The following SLC34A2 variants were observed in gnomAD, a reference collection of about 807,000 sequenced individuals.
SLC34A2 encodes the protein solute carrier family 34 member 2.
A neutral mutation model predicts 50.8 loss-of-function variants in SLC34A2; 41 were observed. The observed-to-expected ratio is 0.81, with a 90% CI of 0.63 to 1.05. The LOEUF (loss-of-function observed/expected upper bound fraction) is 1.05, where lower values mean the gene tolerates loss of function less well. Among genes scored for constraint, SLC34A2 ranks in the 50% least tolerant of loss-of-function variants. SLC34A2 has a pLI of 0.00. For missense variants in SLC34A2, 879 were observed against 876.7 expected (o/e 1.00, Z -0.03); for synonymous variants, 401 against 364.2 (o/e 1.10, Z -1.15).
At chr4:25,659,352 C>G (rs1714061296) in intron 1 of SLC34A2, among the ~76,000 whole-genome samples, 1 of 152,188 alleles carries the variant, frequency 6.6e-6, no homozygotes, top group African/African-American at 2.4e-5. Context: ...GCATCTTTCT[C>G]TCACAGGCTT....
intron 4 of SLC34A2, among the ~76,000 whole-genome samples, chr4:25,665,316 A>G (rs1188592951): frequency 2.6e-5 from 4 of 151,696 alleles, no homozygotes; most frequent in Non-Finnish European, 5.9e-5. Context: ...ACAGGCATGC[A>G]CCACCATGCC....
chr4:25,662,825 C>G lies in SLC34A2; in HGVS notation c.233C>G (p.Ser78Trp). The stretch of plus-strand genomic sequence containing the variant: ...TGGAACCTACCCACTCTTCAGGACT[C>G]GGGGATCAAGTGGTCAGGTAAAAGT... ...DPWNLPTLQD[S>W]GIKWSERDTK... Residue 78 changes from serine (S) to tryptophan (W), a missense_variant, in exon 3 of 13, where the codon TCG becomes TGG. Transcript: ENST00000382051. The G allele has an allele frequency of 6.2e-7, 1 of 1,613,996 alleles. No homozygotes were observed. The highest frequency in any genetic ancestry group is 8.5e-7 in the Non-Finnish European group (1 of 1,179,986).
At chr4:25,659,373 T>C (rs1426916092) in intron 1 of SLC34A2, among the ~76,000 whole-genome samples, 1 of 152,174 alleles carries the variant, frequency 6.6e-6, no homozygotes, top group Non-Finnish European at 1.5e-5. Context: ...TGGATTCATT[T>C]ATTCAAATAT....
rs766708182 is a variant in SLC34A2, at chr4:25,676,239, C to T, written c.1563C>T (p.Ile521=). ...PIRMAKGLGN[I]SAKYRWFAVF... is the part of the protein sequence containing the mutation. ...GCATGGCCAAGGGGCTGGGCAACAT[C>T]TCTGCCAAGTATCGCTGGTTCGCCG... Residue 521 remains isoleucine, a synonymous_variant, in exon 13 of 13, where the codon ATC becomes ATT. Coordinates refer to ENST00000382051, the MANE Select transcript of SLC34A2 (RefSeq NM_006424.3). The T allele has an allele frequency of 1.9e-6, 3 of 1,614,098 alleles. No homozygotes were observed. The highest frequency in any genetic ancestry group is 1.1e-5 in the South Asian group (1 of 91,082).
Position 25,669,805 on chromosome 4 carries a change from A to C in SLC34A2, c.794A>C (p.Lys265Thr), listed in dbSNP as rs779511287. Residue 265 changes from lysine to threonine, a missense_variant, in exon 7 of 13, where the codon AAA becomes ACA. Lys to Thr is a moderately conservative substitution (Grantham distance 78, BLOSUM62 -1). Transcript: ENST00000382051. The part of the protein sequence containing the change: ...KNGEDAPDLL[K>T]VITKPFTKLI... Reference sequence around the variant, plus strand: ...GGAGAAGATGCCCCAGATCTTCTGAAAGTCATCACTAAGCCCTTCACAAAG... The same window carrying C: ...GGAGAAGATGCCCCAGATCTTCTGACAGTCATCACTAAGCCCTTCACAAAG... 1.2e-5 allele frequency: 19 copies of C among 1,614,074 alleles called. No individual in the cohort carries two copies. The highest frequency in any genetic ancestry group is 5.9e-6 in the Non-Finnish European group (7 of 1,180,048).
chr4:25,664,345 G>T lies in SLC34A2; in HGVS notation c.379+15G>T. 6.2e-7 allele frequency: 1 copy of T among 1,614,002 alleles called. No homozygotes were observed. Among genetic ancestry groups the T allele is most frequent in the African/African-American group, 1.3e-5 (1 of 75,038 alleles). On this transcript the variant is annotated intron_variant, in intron 4 of 12. Coordinates refer to ENST00000382051, the MANE Select transcript of SLC34A2 (RefSeq NM_006424.3). ...GCTGGTTGGAGGTAAGAATGAAAGG[G>T]TGAGAGGTCTGCGGGTGAGGGGCAT... is the stretch of plus-strand genomic sequence containing the variant.
In SLC34A2 at chr4:25,664,281, T is replaced by C. The variant is rs1271118892; in HGVS notation, c.330T>C (p.Phe110=). 1 of 1,614,066 alleles carries C rather than the reference T, an allele frequency of 6.2e-7. No individual in the cohort carries two copies. Among genetic ancestry groups the C allele is most frequent in the East Asian group, 2.2e-5 (1 of 44,872 alleles). The change falls in exon 4 of 13, where the codon TTT becomes TTC. Residue 110 remains phenylalanine, a synonymous_variant. Transcript: ENST00000382051. ...TTTTACTTCTCGGATTTCTCTACTT[T>C]TTCGTGTGCTCCCTGGATATTCTTA... ...RLILLLGFLY[F]FVCSLDILSS... is the part of the protein sequence containing the mutation.
At chr4:25,674,165 A>C (rs918261348) in intron 10 of SLC34A2, 131 bp from the exon 11 acceptor site, 3 of 729,242 alleles carry the variant, frequency 4.1e-6, no homozygotes, top group Non-Finnish European at 7.5e-6. Context: ...GGATTCTAAA[A>C]CTCTACTCTG....
chr4:25,666,053 C>G (rs1714479961), intron 4 of SLC34A2, 75 bp from the exon 5 acceptor site: 1 of 1,586,256 alleles, frequency 6.3e-7, no homozygotes, highest in East Asian at 2.2e-5. Flanking sequence ...ATGGAGACTT[C>G]TGTTTACTCA....
Position 25,664,250 on chromosome 4 carries a change from G to A in SLC34A2, c.299G>A (p.Arg100Lys). 3 of 1,613,646 alleles carry A rather than the reference G, an allele frequency of 1.9e-6. No homozygotes were observed. Among genetic ancestry groups the A allele is most frequent in the Middle Eastern group, 1.6e-4 (1 of 6,062 alleles). ...CTCTGTTTCTTCCAAGGGATTGGGA[G>A]ATTGATTTTACTTCTCGGATTTCTC... The part of the protein sequence containing the change: ...KILCFFQGIG[R>K]LILLLGFLYF... Residue 100 changes from arginine to lysine, a missense_variant, in exon 4 of 13, where the codon AGA becomes AAA. Arg to Lys is a conservative substitution (Grantham distance 26). Coordinates refer to ENST00000382051, the MANE Select transcript of SLC34A2 (RefSeq NM_006424.3).
Position 25,676,621 on chromosome 4 carries a change from GAGGAGGCGC to G in SLC34A2, c.1952_1960del (p.Ala651_Glu653del). ...CTGCAGCAAGTGCTGCGAGGACTTG[GAGGAGGCGC>G]AGGAGGGGCAGGATGTCCCTGTCAA... On this transcript the variant is annotated inframe_deletion, in exon 13 of 13. Transcript: ENST00000382051. 5.6e-6 allele frequency: 9 copies of G among 1,614,042 alleles called. No individual in the cohort carries two copies. The highest frequency in any genetic ancestry group is 7.6e-6 in the Non-Finnish European group (9 of 1,179,890).
intron 5 of SLC34A2, 53 bp downstream of exon 5, chr4:25,666,324 T>A: frequency 6.2e-7 from 1 of 1,603,666 alleles, no homozygotes; most frequent in Non-Finnish European, 8.5e-7. Context: ...CTCCTGTCTA[T>A]CTGAGGGTGG....
chr4:25,670,470 A>G (rs1459818045), intron 7 of SLC34A2, among the ~76,000 whole-genome samples: 2 of 152,152 alleles, frequency 1.3e-5, no homozygotes, highest in Non-Finnish European at 2.9e-5. Flanking sequence ...GCCTAGAGTC[A>G]TCTCAGCCCC....
At chr4:25,663,726 A>G (rs1033162436) in intron 3 of SLC34A2, among the ~76,000 whole-genome samples, 1 of 152,232 alleles carries the variant, frequency 6.6e-6, no homozygotes, top group Non-Finnish European at 1.5e-5. Context: ...GTAGCATCCC[A>G]GGATGTATGA....
chr4:25,676,272 C>A lies in SLC34A2; in HGVS notation c.1596C>A (p.Tyr532Ter), dbSNP rs764381388. Residue 532 changes from tyrosine (Y) to a stop codon, truncating the protein, a stop_gained, in exon 13 of 13, where the codon TAC becomes TAA. Transcript: ENST00000382051. LOFTEE classifies it low-confidence loss of function (END_TRUNC). Reference sequence around the variant, plus strand: ...AGTATCGCTGGTTCGCCGTCTTCTACCTGATCATCTTCTTCTTCCTGATCC... The same window carrying A: ...AGTATCGCTGGTTCGCCGTCTTCTAACTGATCATCTTCTTCTTCCTGATCC... Reference protein sequence around the residue: ...SAKYRWFAVFYLIIFFFLIPL... With the variant: ...SAKYRWFAVF The A allele has an allele frequency of 6.2e-7, 1 of 1,614,204 alleles. No homozygotes were observed. The highest frequency in any genetic ancestry group is 1.7e-5 in the Admixed American group (1 of 60,026).
At chr4:25,667,686 A>T (rs915830161) in intron 5 of SLC34A2, among the ~76,000 whole-genome samples, 194 bp from the exon 6 acceptor site, 1 of 152,094 alleles carries the variant, frequency 6.6e-6, no homozygotes, top group Non-Finnish European at 1.5e-5. Context: ...TGCAATAGGG[A>T]GGAAGGAGGA....
At chr4:25,673,297 T>C (rs775874387) in intron 10 of SLC34A2, 43 bp downstream of exon 10, 2 of 666,648 alleles carry the variant, frequency 3.0e-6, no homozygotes, top group East Asian at 3.1e-5. Context: ...ATGTAGTCAC[T>C]GCATGGGGTG....
chr4:25,678,687 A>ATTT lies in SLC34A2; in HGVS notation c.*1955_*1957dup, dbSNP rs67542457. 2.4e-4 allele frequency: 77 copies of ATTT among 323,620 alleles called. No individual in the cohort carries two copies. Among genetic ancestry groups the ATTT allele is most frequent in the South Asian group, 3.9e-4 (8 of 20,498 alleles). 20.0% of individuals were successfully genotyped at this position (323,620 alleles called of 1,614,324 possible). ...TGAGCCACCACCAGGCCTGATTGTA[A>ATTT]TTTTTTTTTTTTTTTTTTTACTGGT... is the stretch of plus-strand genomic sequence containing the variant. On this transcript the variant is annotated 3_prime_UTR_variant, in exon 13 of 13. Coordinates refer to ENST00000382051, the MANE Select transcript of SLC34A2 (RefSeq NM_006424.3).
chr4:25,676,789 G>A lies in SLC34A2; in HGVS notation c.*40G>A. 6.2e-7 allele frequency: 1 copy of A among 1,613,098 alleles called. No homozygotes were observed. The highest frequency in any genetic ancestry group is 8.5e-7 in the Non-Finnish European group (1 of 1,179,656). ...TGTCAGGGATGGGGGGATGGTCCTT[G>A]AGTTTTGCATGCTCTCCTCCCTCCC... is the stretch of plus-strand genomic sequence containing the variant. On this transcript the variant is annotated 3_prime_UTR_variant, in exon 13 of 13. Transcript: ENST00000382051.
Sources: gnomAD v4.1 joint callset for allele counts (sites outside exome capture counted in the v4.1 genomes callset) on GRCh38, gnomAD v4.1.1 for gene constraint, MANE v1.5 for transcripts, NCBI Gene and HGNC (gene_info 2026-07-23, HGNC 2026-07-21) for gene names.